CSGALNACT1: variants seen among roughly 807,000 people sequenced by gnomAD.
The protein encoded by CSGALNACT1 is chondroitin sulfate N-acetylgalactosaminyltransferase 1.
CSGALNACT1 carries 52 observed loss-of-function variants against 51.0 expected under a neutral mutation model. The ratio of observed to expected loss-of-function variants is 1.02; its 90% confidence interval spans 0.82 to 1.29. The LOEUF is 1.29. Among genes scored for constraint, CSGALNACT1 ranks in the 50% most tolerant of loss-of-function variants. The pLI, the probability that CSGALNACT1 is intolerant of heterozygous loss-of-function variation, is 0.00. For missense variants in CSGALNACT1, 935 were observed against 679.2 expected (o/e 1.38, Z -4.19); for synonymous variants, 341 against 254.4 (o/e 1.34, Z -3.24).
intron 3 of CSGALNACT1, among the ~76,000 whole-genome samples, chr8:19,542,282 C>G (rs1022052551): frequency 2.6e-5 from 4 of 151,062 alleles, no homozygotes; most frequent in African/African-American, 9.8e-5. Flanking sequence ...CAAAGGAAAG[C>G]CATTGAAATT....
intron 1 of CSGALNACT1, among the ~76,000 whole-genome samples, chr8:19,671,811 C>G (rs753383014): frequency 1.3e-5 from 2 of 152,008 alleles, no homozygotes; most frequent in African/African-American, 2.4e-5. Context: ...AATTGAGATC[C>G]TACTGTTTTA....
chr8:19,507,246 A>G (rs1391057431), intron 3 of CSGALNACT1, among the ~76,000 whole-genome samples: 3 of 152,060 alleles, frequency 2.0e-5, no homozygotes, highest in Non-Finnish European at 2.9e-5. Context: ...TCCTGTTGGG[A>G]CCCAAATCCC....
chr8:19,646,631 AG>A (rs2057304207), intron 1 of CSGALNACT1, among the ~76,000 whole-genome samples: 1 of 152,176 alleles, frequency 6.6e-6, no homozygotes, highest in African/African-American at 2.4e-5. Flanking sequence ...AGTACAAGAA[AG>A]CCCCGTCTAT....
intron 1 of CSGALNACT1, among the ~76,000 whole-genome samples, chr8:19,687,924 G>A (rs964001174): frequency 1.3e-5 from 2 of 152,176 alleles, no homozygotes; most frequent in East Asian, 1.9e-4. Flanking sequence ...AAGTTTCTGA[G>A]AACACATAAA....
chr8:19,438,563 T>C (rs2060775521), intron 6 of CSGALNACT1, among the ~76,000 whole-genome samples: 1 of 152,220 alleles, frequency 6.6e-6, no homozygotes, highest in South Asian at 2.1e-4. Context: ...ATTATTGCTT[T>C]AGAGCAGGGA....
intron 3 of CSGALNACT1, among the ~76,000 whole-genome samples, chr8:19,558,362 G>C (rs913440286): frequency 6.6e-5 from 10 of 152,050 alleles, no homozygotes; most frequent in African/African-American, 2.4e-4. Flanking sequence ...CCCTCTTCAT[G>C]GCTGGAACTT....
chr8:19,472,689 C>T (rs1441484532), intron 4 of CSGALNACT1, among the ~76,000 whole-genome samples: 1 of 152,292 alleles, frequency 6.6e-6, no homozygotes, highest in African/African-American at 2.4e-5. Flanking sequence ...TCTTTCTTTT[C>T]TGTTCTTCCT....
At chr8:19,547,333 T>A (rs2086705562) in intron 3 of CSGALNACT1, among the ~76,000 whole-genome samples, 1 of 152,218 alleles carries the variant, frequency 6.6e-6, no homozygotes, top group African/African-American at 2.4e-5. Context: ...CAGTGTTTTG[T>A]GAATGACATG....
At chr8:19,561,266 A>G (rs1230358530) in intron 3 of CSGALNACT1, among the ~76,000 whole-genome samples, 1 of 152,100 alleles carries the variant, frequency 6.6e-6, no homozygotes, top group African/African-American at 2.4e-5. Flanking sequence ...TTATTCATTA[A>G]CCTCTACATT....
intron 1 of CSGALNACT1, among the ~76,000 whole-genome samples, chr8:19,704,467 T>C (rs2062049019): frequency 6.6e-6 from 1 of 152,320 alleles, no homozygotes; most frequent in African/African-American, 2.4e-5. Flanking sequence ...TCCATATACA[T>C]TGTTGATAGG....
At chr8:19,755,399 AT>A (rs896448943) in intron 1 of CSGALNACT1, among the ~76,000 whole-genome samples, 26 of 140,308 alleles carry the variant, frequency 1.9e-4, no homozygotes, top group African/African-American at 6.5e-4. Context: ...AATTTTTACA[AT>A]TTTTTTTAAA....
At position 19,730,615 on chromosome 8, in the gene CSGALNACT1, G is replaced by A. The variant is rs1034764127; in HGVS notation, c.-297+27235C>T. ...CATTCTCAGCTGCCTGCTGTCTGTC[G>A]TTGTGTGCAGAGCTACAGGGGTGAT... On this transcript the variant is annotated intron_variant, in intron 1 of 1. Coordinates refer to the CSGALNACT1 transcript ENST00000517494. Among the ~76,000 whole-genome samples, 20 of 152,282 alleles carry A rather than the reference G, an allele frequency of 1.3e-4. 1 individual carries two copies. The highest frequency in any genetic ancestry group is 3.9e-4 in the African/African-American group (16 of 41,556).
intron 7 of CSGALNACT1, among the ~76,000 whole-genome samples, chr8:19,420,043 A>G (rs1585572713): frequency 6.6e-6 from 1 of 152,206 alleles, no homozygotes; most frequent in African/African-American, 2.4e-5. Context: ...GCCTGCTGCC[A>G]TGATAGACTT....
chr8:19,655,005 G>C (rs2058134210), intron 1 of CSGALNACT1, among the ~76,000 whole-genome samples: 1 of 152,050 alleles, frequency 6.6e-6, no homozygotes, highest in Non-Finnish European at 1.5e-5. Flanking sequence ...AAGAAAGACT[G>C]ACATACATTC....
At chr8:19,642,741 C>G (rs557908827) in intron 1 of CSGALNACT1, among the ~76,000 whole-genome samples, 1 of 150,968 alleles carries the variant, frequency 6.6e-6, no homozygotes, top group Non-Finnish European at 1.5e-5. Context: ...AGCTGCTGTG[C>G]TTTCACCACT....
At chr8:19,417,216 G>C (rs1563291282) in intron 8 of CSGALNACT1, among the ~76,000 whole-genome samples, 2 of 152,110 alleles carry the variant, frequency 1.3e-5, no homozygotes, top group Non-Finnish European at 2.9e-5. Flanking sequence ...CACAGATACA[G>C]ATACACTACA....
intron 4 of CSGALNACT1, among the ~76,000 whole-genome samples, chr8:19,498,528 G>T (rs940860853): frequency 6.6e-6 from 1 of 151,390 alleles, no homozygotes; most frequent in Non-Finnish European, 1.5e-5. Context: ...TTCAACTCAC[G>T]GAGAACACAT....
At chr8:19,634,366 A>G (rs1009640962) in intron 1 of CSGALNACT1, among the ~76,000 whole-genome samples, 3 of 152,118 alleles carry the variant, frequency 2.0e-5, no homozygotes, top group Non-Finnish European at 4.4e-5. Flanking sequence ...GCGCCCTTAC[A>G]AGAAGAAATA....
chr8:19,714,122 TC>T (rs1280963460), intron 1 of CSGALNACT1, among the ~76,000 whole-genome samples: 1 of 152,220 alleles, frequency 6.6e-6, no homozygotes, highest in Non-Finnish European at 1.5e-5. Flanking sequence ...GCTAATTTTC[TC>T]ATCTATAAAC....
Sources: gnomAD v4.1 joint callset for allele counts (sites outside exome capture counted in the v4.1 genomes callset) on GRCh38, gnomAD v4.1.1 for gene constraint, MANE v1.5 for transcripts, NCBI Gene and HGNC (gene_info 2026-07-23, HGNC 2026-07-21) for gene names.